The following SND1 variants were observed in gnomAD, a reference collection of about 807,000 sequenced individuals.
The protein encoded by SND1 is staphylococcal nuclease domain-containing protein 1.
SND1 carries 38 observed loss-of-function variants against 121.7 expected under a neutral mutation model. The ratio of observed to expected loss-of-function variants is 0.31; its 90% CI spans 0.24 to 0.41. The LOEUF is 0.41. Among genes scored for constraint, SND1 ranks in the 10% least tolerant of loss-of-function variants. The probability of loss-of-function intolerance (pLI) is 1.00; values close to 1 mark genes in which losing one functional copy is unlikely to be tolerated. For missense variants in SND1, 868 were observed against 1,184.6 expected (o/e 0.73, Z 3.92); for synonymous variants, 401 against 447.4 (o/e 0.90, Z 1.31).
chr7:128,051,522 G>A (rs1793045664), intron 16 of SND1, among the ~76,000 whole-genome samples: 1 of 152,158 alleles, frequency 6.6e-6, no homozygotes. Context: ...GATAAAAATT[G>A]CATTCATAGA....
chr7:127,767,033 T>C (rs990652526), intron 10 of SND1, among the ~76,000 whole-genome samples: 2 of 152,000 alleles, frequency 1.3e-5, no homozygotes, highest in Non-Finnish European at 1.5e-5. Flanking sequence ...TGTTTAGATA[T>C]AGTGTGTGTT....
At chr7:128,091,950 G>C in intron 23 of SND1, 43 bp from the exon 24 acceptor site, 1 of 1,613,998 alleles carries the variant, frequency 6.2e-7, no homozygotes. Flanking sequence ...AGTTCCGGTG[G>C]GTCCCGTATC....
chr7:128,071,003 C>T (rs1413943527), intron 16 of SND1, among the ~76,000 whole-genome samples: 1 of 152,176 alleles, frequency 6.6e-6, no homozygotes, highest in African/African-American at 2.4e-5. Context: ...ATGATATAAA[C>T]AAGTGTCCTT....
At chr7:127,752,040 A>G (rs73234897) in intron 10 of SND1, among the ~76,000 whole-genome samples, 18,981 of 152,308 alleles carry the variant, frequency 0.12, 1,460 homozygotes, top group Admixed American at 0.24. Flanking sequence ...CGATGGGGCC[A>G]GTTGGCTGGG....
intron 12 of SND1, among the ~76,000 whole-genome samples, chr7:127,871,960 A>G (rs529894017): frequency 3.8e-4 from 58 of 152,176 alleles, no homozygotes; most frequent in African/African-American, 1.4e-3. Context: ...GCGACACCCC[A>G]TCTCTGCAAA....
chr7:127,844,106 G>T (rs903903619), intron 11 of SND1, among the ~76,000 whole-genome samples: 2 of 152,082 alleles, frequency 1.3e-5, no homozygotes, highest in Non-Finnish European at 2.9e-5. Context: ...AGAGTTTTTT[G>T]TATATTTTAG....
intron 16 of SND1, among the ~76,000 whole-genome samples, chr7:128,071,490 A>C (rs1185291601): frequency 1.3e-5 from 2 of 152,262 alleles, no homozygotes; most frequent in Admixed American, 1.3e-4. Context: ...CTTGAGTTGA[A>C]CAAAGAAATA....
At chr7:127,922,773 G>C (rs1800746600) in intron 14 of SND1, among the ~76,000 whole-genome samples, 1 of 152,132 alleles carries the variant, frequency 6.6e-6, no homozygotes, top group South Asian at 2.1e-4. Flanking sequence ...TCTGTTGAGG[G>C]CATCACTGAT....
chr7:128,031,797 C>G (rs1468746558), intron 16 of SND1, among the ~76,000 whole-genome samples: 1 of 147,026 alleles, frequency 6.8e-6, no homozygotes, highest in African/African-American at 2.5e-5. Flanking sequence ...CGCCGCTGCC[C>G]GGCCCCCGGC....
At chr7:127,940,604 C>A (rs1028993674) in intron 15 of SND1, among the ~76,000 whole-genome samples, 1 of 152,168 alleles carries the variant, frequency 6.6e-6, no homozygotes, top group Non-Finnish European at 1.5e-5. Flanking sequence ...AAATCTCCCA[C>A]CCCTTTCAAC....
intron 16 of SND1, among the ~76,000 whole-genome samples, chr7:128,034,312 A>T (rs551972328): frequency 4.9e-4 from 75 of 152,282 alleles, no homozygotes; most frequent in African/African-American, 1.5e-3. Context: ...AATGAGGGAG[A>T]CATGGAGGTA....
intron 15 of SND1, among the ~76,000 whole-genome samples, chr7:127,972,870 G>A (rs539503897): frequency 2.0e-5 from 3 of 152,326 alleles, no homozygotes; most frequent in East Asian, 1.9e-4. Flanking sequence ...ATGAGCCACC[G>A]CACCTGGCCA....
chr7:128,092,319 G>A lies in SND1; in HGVS notation c.*261G>A. On this transcript the variant is annotated 3_prime_UTR_variant, in exon 24 of 24. Coordinates refer to ENST00000354725, the MANE Select transcript of SND1 (RefSeq NM_014390.4). This position sits in a 1 kb window ranked among gnomAD's most constrained non-coding sequence, Gnocchi z 4.9. Reference sequence around the variant, plus strand: ...AGTTGGTTTTATTTGGAGGTTTGTGGGCTTTTTTTAAAAAAAAAAAGTCCT... The same window carrying A: ...AGTTGGTTTTATTTGGAGGTTTGTGAGCTTTTTTTAAAAAAAAAAAGTCCT... The A allele has an allele frequency of 2.1e-6, 1 of 472,968 alleles. No individual in the cohort carries two copies. The highest frequency in any genetic ancestry group is 3.7e-6 in the Non-Finnish European group (1 of 267,238). 29.3% of individuals were successfully genotyped at this position (472,968 alleles called of 1,614,324 possible).
At chr7:127,845,945 G>T (rs1340113292) in intron 12 of SND1, among the ~76,000 whole-genome samples, 8 of 152,200 alleles carry the variant, frequency 5.3e-5, no homozygotes, top group Admixed American at 6.5e-5. Flanking sequence ...ACAGGGCAGA[G>T]TGTTGTGGCC....
chr7:128,028,447 C>A, intron 16 of SND1: 1 of 453,590 alleles, frequency 2.2e-6, no homozygotes, highest in Admixed American at 3.9e-5. Flanking sequence ...GGCTTGTACC[C>A]CACAACGTTC....
intron 16 of SND1, among the ~76,000 whole-genome samples, chr7:128,057,742 C>G (rs1001099663): frequency 2.0e-5 from 3 of 152,036 alleles, no homozygotes; most frequent in Non-Finnish European, 4.4e-5. Context: ...CATACTGATG[C>G]ATGCAATAAA....
intron 16 of SND1, among the ~76,000 whole-genome samples, chr7:128,017,583 G>A (rs1345740116): frequency 3.3e-5 from 5 of 152,102 alleles, no homozygotes; most frequent in African/African-American, 4.8e-5. Context: ...CCTGCCATGC[G>A]GCCTTCAGCA....
chr7:127,661,462 G>A (rs1795309243), intron 1 of SND1, among the ~76,000 whole-genome samples: 1 of 152,162 alleles, frequency 6.6e-6, no homozygotes, highest in South Asian at 2.1e-4. Flanking sequence ...TTGCAATCCT[G>A]AGGAGCTTCA....
intron 15 of SND1, among the ~76,000 whole-genome samples, chr7:127,948,291 T>C (rs1294523311): frequency 6.6e-6 from 1 of 152,206 alleles, no homozygotes; most frequent in African/African-American, 2.4e-5. Context: ...CTCCAGGTTA[T>C]AGTCCTAGCT....
Sources: allele counts gnomAD v4.1 joint callset (sites outside exome capture counted in the v4.1 genomes callset), GRCh38; gene constraint gnomAD v4.1.1; non-coding constraint Gnocchi (gnomAD v3.1); transcripts MANE v1.5; gene names NCBI Gene and HGNC (gene_info 2026-07-23, HGNC 2026-07-21).